The following LRRC56 variants were observed in gnomAD, a reference collection of about 807,000 sequenced individuals.
LRRC56 encodes the protein leucine rich repeat containing 56.
In LRRC56, 41 loss-of-function variants were observed where a neutral mutation model predicts 47.8. The observed-to-expected ratio is 0.86, with a 90% CI of 0.67 to 1.11. LRRC56 has a LOEUF of 1.11. Among genes scored for constraint, LRRC56 ranks in the 50% most tolerant of loss-of-function variants. The pLI is 0.00. For synonymous variants in LRRC56, 387 were observed against 311.2 expected (o/e 1.24, Z -2.56); for missense variants, 759 against 704.2 (o/e 1.08, Z -0.88).
At chr11:551,014 T>C in intron 8 of LRRC56, 117 bp from the exon 9 acceptor site, 1 of 601,388 alleles carries the variant, frequency 1.7e-6, no homozygotes, top group South Asian at 2.4e-5. Context: ...CATCCCCACC[T>C]CTGGGCCCCT....
intron 5 of LRRC56, 144 bp from the exon 6 acceptor site, chr11:544,574 ACC>A (rs1851979258): frequency 1.3e-6 from 1 of 799,766 alleles, no homozygotes; most frequent in South Asian, 1.5e-5. Flanking sequence ...GTGCCACGTA[ACC>A]CCTCCTGTGG....
chr11:551,743 C>G lies in LRRC56; in HGVS notation c.889C>G (p.Leu297Val). The change falls in exon 10 of 14, where the codon CTG (leucine) becomes GTG (valine). Residue 297 changes from leucine to valine, a missense_variant. Physicochemically the swap from Leu to Val is conservative, Grantham distance 32. Coordinates refer to ENST00000270115, the MANE Select transcript of LRRC56 (RefSeq NM_198075.4). ...GGCCTCCAGGCCCTGGCCCTTCTCC[C>G]TGCTGGTCCGTGGGGGCCCCCTGCC... ...SRASRPWPFS[L>V]LVRGGPLPEG... 1.2e-6 allele frequency: 2 copies of G among 1,611,682 alleles called. No individual in the cohort carries two copies. Among genetic ancestry groups the G allele is most frequent in the Non-Finnish European group, 1.7e-6 (2 of 1,179,332 alleles).
chr11:534,889 G>A (rs1489168551), upstream of LRRC56, among the ~76,000 whole-genome samples: 1 of 152,118 alleles, frequency 6.6e-6, no homozygotes, highest in Non-Finnish European at 1.5e-5. Flanking sequence ...CACCCCCGGC[G>A]GGGAACCGGG....
In LRRC56 at chr11:554,377, A is replaced by G. The variant is rs1419189070; in HGVS notation, c.*101A>G. On this transcript the variant is annotated 3_prime_UTR_variant, in exon 14 of 14. Coordinates refer to ENST00000270115, the MANE Select transcript of LRRC56 (RefSeq NM_198075.4). ...CCTGGGCGGGTGTGTTGGGGGGTGG[A>G]AGGAGTGCCTGGCCCTGGGGAGGAC... 9.2e-7 allele frequency: 1 copy of G among 1,087,404 alleles called. No homozygotes were observed. The highest frequency in any genetic ancestry group is 1.6e-5 in the African/African-American group (1 of 61,290). 67.4% of individuals were successfully genotyped at this position (1,087,404 alleles called of 1,614,324 possible). A position where few individuals can be genotyped will look rare whatever the true frequency, so the allele number is the denominator to read the frequency against.
At chr11:522,561 T>C in the LRRC56 span, among the ~76,000 whole-genome samples, 2,430 of 152,114 alleles carry the variant, frequency 0.016, 24 homozygotes, top group Non-Finnish European at 0.024. Context: ...CCACCGCACC[T>C]GGCCATTTCT....
At chr11:522,015 GAAAAATAA>G in the LRRC56 span, among the ~76,000 whole-genome samples, 1 of 151,974 alleles carries the variant, frequency 6.6e-6, no homozygotes. Context: ...AGCATGAATG[GAAAAATAA>G]AAAAATCTAA....
the LRRC56 span, chr11:532,470 C>A: frequency 1.1e-6 from 1 of 932,758 alleles, no homozygotes. Context: ...CTTCCTCCTC[C>A]TTCCGTCTGC....
chr11:509,949 C>T, the LRRC56 span, among the ~76,000 whole-genome samples: 20 of 151,864 alleles, frequency 1.3e-4, no homozygotes, highest in Non-Finnish European at 2.4e-4. Flanking sequence ...ATTCCCACCC[C>T]CAGTTTTATA....
the LRRC56 span, among the ~76,000 whole-genome samples, chr11:528,253 T>G: frequency 6.6e-6 from 1 of 152,208 alleles, no homozygotes; most frequent in Non-Finnish European, 1.5e-5. Context: ...CACTCCATCG[T>G]AAGGAGGCAG....
intron 1 of LRRC56, among the ~76,000 whole-genome samples, chr11:537,848 G>T (rs1851599132): frequency 6.6e-6 from 1 of 152,200 alleles, no homozygotes; most frequent in Admixed American, 6.5e-5. Flanking sequence ...GCCCCTGAGG[G>T]AGACTCAGAG....
intron 6 of LRRC56, among the ~76,000 whole-genome samples, chr11:549,430 C>T (rs1852260573): frequency 6.6e-6 from 1 of 152,220 alleles, no homozygotes; most frequent in African/African-American, 2.4e-5. Flanking sequence ...GACCCACCGC[C>T]ACCTCCAGCA....
At chr11:520,672 A>C in the LRRC56 span, among the ~76,000 whole-genome samples, 1 of 152,006 alleles carries the variant, frequency 6.6e-6, no homozygotes, top group African/African-American at 2.4e-5. Flanking sequence ...AATGAGCCCC[A>C]TGCCTGACCT....
At chr11:527,976 C>T in the LRRC56 span, among the ~76,000 whole-genome samples, 1 of 152,082 alleles carries the variant, frequency 6.6e-6, no homozygotes, top group African/African-American at 2.4e-5. Context: ...GCTGGGATTA[C>T]AGGCGTGAGC....
upstream of LRRC56, chr11:533,711 C>T (rs546681610): frequency 5.0e-6 from 8 of 1,611,344 alleles, no homozygotes; most frequent in African/African-American, 2.7e-5. Context: ...TGGACGCAGC[C>T]GGCCTGGCCC....
At chr11:545,148 T>G (rs981774386) in intron 6 of LRRC56, among the ~76,000 whole-genome samples, 22 of 152,148 alleles carry the variant, frequency 1.4e-4, no homozygotes, top group African/African-American at 5.1e-4. Flanking sequence ...GGAGCTCTTG[T>G]GTCTGCAATG....
At chr11:534,598 G>T, upstream of LRRC56, 1 of 553,626 alleles carries the variant, frequency 1.8e-6, no homozygotes, top group East Asian at 3.0e-5. Flanking sequence ...TGGGAAAAGG[G>T]ACCCAGCCCT....
the LRRC56 span, among the ~76,000 whole-genome samples, chr11:527,361 A>C: frequency 6.6e-6 from 1 of 152,112 alleles, no homozygotes; most frequent in East Asian, 1.9e-4. Flanking sequence ...TTGCGCAGTG[A>C]ACTCTGGGAC....
chr11:535,564 C>G (rs1851447134), upstream of LRRC56: 1 of 149,200 alleles, frequency 6.7e-6, no homozygotes, highest in Non-Finnish European at 1.5e-5. Context: ...GCGGCGGAGA[C>G]TCGGGCGGGC....
At chr11:550,309 C>G in intron 8 of LRRC56, 37 bp downstream of exon 8, 1 of 1,477,920 alleles carries the variant, frequency 6.8e-7, no homozygotes, top group Non-Finnish European at 9.0e-7. Context: ...ATGTGCATGG[C>G]CAGGAGAGGC....
Sources: gnomAD v4.1 joint callset for allele counts (sites outside exome capture counted in the v4.1 genomes callset) on GRCh38, gnomAD v4.1.1 for gene constraint, MANE v1.5 for transcripts, NCBI Gene and HGNC (gene_info 2026-07-23, HGNC 2026-07-21) for gene names.